SAFB: variants seen among roughly 807,000 people sequenced by gnomAD.
The protein encoded by SAFB is scaffold attachment factor B, also known as scaffold attachment factor B1.
In SAFB, 15 loss-of-function variants were observed where a neutral mutation model predicts 101.6. That is an observed-to-expected ratio of 0.15 (90% confidence interval 0.10 to 0.23). The LOEUF is 0.23. Ranked by LOEUF, SAFB falls within the 10% of genes least tolerant of loss-of-function variation. The probability of loss-of-function intolerance (pLI) is 1.00; values close to 1 mark genes in which losing one functional copy is unlikely to be tolerated. For missense variants in SAFB, 930 were observed against 1,104.1 expected (o/e 0.84, Z 2.23); for synonymous variants, 449 against 407.5 (o/e 1.10, Z -1.23).
At chr19:5,627,883 AGG>A (rs1225243764) in intron 2 of SAFB, among the ~76,000 whole-genome samples, 8 of 152,180 alleles carry the variant, frequency 5.3e-5, no homozygotes, top group Non-Finnish European at 1.0e-4. Context: ...GATGAGGACT[AGG>A]GCTGTGTCTT....
chr19:5,648,268 G>A, intron 6 of SAFB: 1 of 540,358 alleles, frequency 1.9e-6, no homozygotes, highest in East Asian at 3.1e-5. Flanking sequence ...GTATTGGTGA[G>A]ATGAAAGTAT....
intron 2 of SAFB, among the ~76,000 whole-genome samples, chr19:5,630,349 A>G (rs2053462193): frequency 6.6e-6 from 1 of 152,244 alleles, no homozygotes; most frequent in South Asian, 2.1e-4. Flanking sequence ...AGACTCATAT[A>G]AAATGTTTCT....
At chr19:5,652,170 G>C (rs746097391) in intron 9 of SAFB, among the ~76,000 whole-genome samples, 4 of 151,540 alleles carry the variant, frequency 2.6e-5, no homozygotes, top group Non-Finnish European at 4.4e-5. Flanking sequence ...TCCAGCCTGG[G>C]ACAGAGCAAG....
At chr19:5,655,677 C>G (rs1052596649) in intron 13 of SAFB, among the ~76,000 whole-genome samples, 3 of 152,118 alleles carry the variant, frequency 2.0e-5, no homozygotes, top group African/African-American at 7.2e-5. Flanking sequence ...AACCATTTCA[C>G]TTGGTGAATG....
chr19:5,657,532 C>CT (rs977422545), intron 14 of SAFB, among the ~76,000 whole-genome samples, 185 bp downstream of exon 14: 22 of 152,078 alleles, frequency 1.4e-4, no homozygotes, highest in African/African-American at 5.1e-4. Flanking sequence ...CTTTTCTTTT[C>CT]TTTTTTCTTT....
At chr19:5,640,174 T>C (rs1302558652) in intron 2 of SAFB, among the ~76,000 whole-genome samples, 2 of 151,992 alleles carry the variant, frequency 1.3e-5, no homozygotes, top group Non-Finnish European at 2.9e-5. Flanking sequence ...TTTTAAATAG[T>C]GGGGTGTAAA....
intron 8 of SAFB, among the ~76,000 whole-genome samples, 184 bp from the exon 9 acceptor site, chr19:5,650,794 T>C (rs1264084235): frequency 6.6e-6 from 1 of 152,190 alleles, no homozygotes; most frequent in Non-Finnish European, 1.5e-5. Context: ...GTAGTGCTGC[T>C]GGGCCTGGTG....
At chr19:5,659,568 A>G (rs2054147433) in intron 14 of SAFB, among the ~76,000 whole-genome samples, 1 of 151,960 alleles carries the variant, frequency 6.6e-6, no homozygotes, top group Admixed American at 6.6e-5. Context: ...TTTTTAGTAG[A>G]GACGGGGTTT....
Position 5,623,289 on chromosome 19 carries a change from G to A in SAFB, c.84G>A (p.Thr28=). ...ALSSASSETG[T]RRLSDLRVID... is the part of the protein sequence containing the mutation. ...GCTCCGCCTCGTCAGAGACCGGGAC[G>A]CGGCGCCTCAGCGACCTGCGAGTGA... The change falls in exon 1 of 21, where the codon ACG becomes ACA. Residue 28 remains threonine (T), a synonymous_variant. Coordinates refer to ENST00000588852, the MANE Select transcript of SAFB (RefSeq NM_001201338.2). The A allele has an allele frequency of 1.2e-6, 2 of 1,613,664 alleles. No individual in the cohort carries two copies. Among genetic ancestry groups the A allele is most frequent in the South Asian group, 2.2e-5 (2 of 91,028 alleles).
intron 6 of SAFB, among the ~76,000 whole-genome samples, chr19:5,648,639 G>A (rs1448043172): frequency 6.6e-6 from 1 of 152,236 alleles, no homozygotes; most frequent in Non-Finnish European, 1.5e-5. Context: ...GAGCTGTTCA[G>A]TGAATGGTGA....
At chr19:5,644,437 TGC>T (rs879841951) in intron 4 of SAFB, among the ~76,000 whole-genome samples, 1 of 152,328 alleles carries the variant, frequency 6.6e-6, no homozygotes, top group Admixed American at 6.5e-5. Flanking sequence ...AATGATGTGC[TGC>T]CCCTGGTGCA....
At chr19:5,657,117 C>T in intron 13 of SAFB, 124 bp from the exon 14 acceptor site, 1 of 652,240 alleles carries the variant, frequency 1.5e-6, no homozygotes, top group African/African-American at 1.8e-5. Flanking sequence ...GTTGGCCAGG[C>T]TGGTCTCAAA....
At chr19:5,647,908 C>T (rs964260605) in intron 5 of SAFB, 108 bp from the exon 6 acceptor site, 6 of 1,021,668 alleles carry the variant, frequency 5.9e-6, no homozygotes, top group African/African-American at 4.8e-5. Context: ...TTGTGAGTTT[C>T]CCTCCCTGGA....
At chr19:5,656,596 T>TG (rs397859883) in intron 13 of SAFB, among the ~76,000 whole-genome samples, 5 of 147,460 alleles carry the variant, frequency 3.4e-5, no homozygotes, top group Non-Finnish European at 7.5e-5. Context: ...TTTTTTTTTT[T>TG]GTCAGAGTAT....
At chr19:5,654,782 G>A (rs2054017042) in intron 13 of SAFB, among the ~76,000 whole-genome samples, 1 of 152,110 alleles carries the variant, frequency 6.6e-6, no homozygotes, top group African/African-American at 2.4e-5. Flanking sequence ...GGCCAGGCTG[G>A]CCTCGAACTC....
chr19:5,661,542 C>G lies in SAFB; in HGVS notation c.1887C>G (p.Arg629=), dbSNP rs746936486. ...SHSRVRERSE[R]EQRMQAQWER... Reference sequence around the variant, plus strand: ...GCAGGGTGCGTGAACGCAGTGAACGCGAACAACGCATGCAGGCGCAGTGGG... The same window carrying G: ...GCAGGGTGCGTGAACGCAGTGAACGGGAACAACGCATGCAGGCGCAGTGGG... Residue 629 remains arginine (R), a synonymous_variant, in exon 15 of 21, where the codon CGC becomes CGG. Coordinates refer to ENST00000588852, the MANE Select transcript of SAFB (RefSeq NM_001201338.2). The G allele has an allele frequency of 6.2e-7, 1 of 1,612,820 alleles. No homozygotes were observed. The highest frequency in any genetic ancestry group is 1.1e-5 in the South Asian group (1 of 91,034).
At chr19:5,668,037 C>A in intron 20 of SAFB, 125 bp from the exon 21 acceptor site, 1 of 1,455,860 alleles carries the variant, frequency 6.9e-7, no homozygotes, top group South Asian at 1.3e-5. Context: ...GCTGCTGCCA[C>A]TCAGGAGGGG....
chr19:5,632,100 A>G (rs914851507), intron 2 of SAFB, among the ~76,000 whole-genome samples: 1 of 152,216 alleles, frequency 6.6e-6, no homozygotes, highest in African/African-American at 2.4e-5. Flanking sequence ...GTGTCATCAC[A>G]AAGTACAAAT....
In SAFB at chr19:5,661,804, G is replaced by C; in HGVS notation, c.2149G>C (p.Asp717His). 1 of 1,543,842 alleles carries C rather than the reference G, an allele frequency of 6.5e-7. No individual in the cohort carries two copies. Among genetic ancestry groups the C allele is most frequent in the Non-Finnish European group, 8.7e-7 (1 of 1,145,582 alleles). ...CGCGGTGCGGCGGCCCTACGACCTG[G>C]ACCGGTAAGCAGATCCATGCTGCCC... ...RPAVRRPYDL[D>H]RRDDAYWPEA... is the part of the protein sequence containing the mutation. Residue 717 changes from aspartate to histidine, a missense_variant, in exon 15 of 21, where the codon GAC becomes CAC. Coordinates refer to ENST00000588852, the MANE Select transcript of SAFB (RefSeq NM_001201338.2).
Sources: allele counts gnomAD v4.1 joint callset (sites outside exome capture counted in the v4.1 genomes callset), GRCh38; gene constraint gnomAD v4.1.1; transcripts MANE v1.5; gene names NCBI Gene and HGNC (gene_info 2026-07-23, HGNC 2026-07-21).